The following PLD5 variants were observed in gnomAD, a reference collection of about 807,000 sequenced individuals.
The protein encoded by PLD5 is phospholipase D family member 5.
In PLD5, 36 loss-of-function variants were observed where a neutral mutation model predicts 61.1. That is an observed-to-expected ratio of 0.59 (90% confidence interval 0.45 to 0.78). PLD5 has a LOEUF of 0.78. Among genes scored for constraint, PLD5 ranks in the 30% least tolerant of loss-of-function variants. PLD5 has a pLI of 0.00. For missense variants in PLD5, 515 were observed against 644.4 expected, an observed-to-expected ratio of 0.80 and a Z score of 2.17; for synonymous variants, 243 against 242.8, an observed-to-expected ratio of 1.00 and a Z score of -0.01.
intron 5 of PLD5, among the ~76,000 whole-genome samples, chr1:242,158,199 A>G (rs1345650829): frequency 1.3e-5 from 2 of 152,268 alleles, no homozygotes; most frequent in East Asian, 3.9e-4. Flanking sequence ...GCCTCCTGGT[A>G]TGCTGGCAGT....
At chr1:242,107,546 G>A in intron 8 of PLD5, 125 bp downstream of exon 8, 1 of 911,282 alleles carries the variant, frequency 1.1e-6, no homozygotes, top group Non-Finnish European at 1.6e-6. Flanking sequence ...TACTTAACGT[G>A]CTTTTTGAAG....
At position 242,524,236 on chromosome 1, in the gene PLD5, T is replaced by TG. The variant is rs1318738647; in HGVS notation, c.40dup (p.His14ProfsTer2). On this transcript the variant is annotated frameshift_variant, in exon 1 of 10. Transcript: ENST00000536534. LOFTEE classifies it high-confidence loss of function. ...GAGCCTCATCTGCTCGAAGCCCTCA[T>TG]GGGGGGAGGCCGAGAGCCACTCGTG... 1.3e-6 allele frequency: 2 copies of TG among 1,516,226 alleles called. No individual in the cohort carries two copies. Among genetic ancestry groups the TG allele is most frequent in the African/African-American group, 1.4e-5 (1 of 70,794 alleles). 93.9% of individuals were successfully genotyped at this position (1,516,226 alleles called of 1,614,324 possible).
At chr1:242,465,177 T>C (rs2102942119) in intron 1 of PLD5, among the ~76,000 whole-genome samples, 1 of 152,332 alleles carries the variant, frequency 6.6e-6, no homozygotes, top group South Asian at 2.1e-4. Context: ...AAAGAGAATC[T>C]TCCTTGACTC....
chr1:242,160,724 A>C lies in PLD5; in HGVS notation c.736-36059T>G, dbSNP rs1045186015. Among the ~76,000 whole-genome samples the C allele has an allele frequency of 1.4e-4, 22 of 152,036 alleles. 1 individual carries two copies. The highest frequency in any genetic ancestry group is 5.3e-4 in the African/African-American group (22 of 41,422). On this transcript the variant is annotated intron_variant, in intron 5 of 9. Transcript: ENST00000536534. ...ACATGGTGAAACACCACCTCTACTA[A>C]AAATACAAAAACTAGCCGGGTGTGG...
intron 1 of PLD5, among the ~76,000 whole-genome samples, chr1:242,461,281 C>A (rs1044130065): frequency 6.6e-6 from 1 of 152,154 alleles, no homozygotes; most frequent in African/African-American, 2.4e-5. Context: ...TCTGCCATAT[C>A]CCCCTTGATC....
chr1:242,271,617 C>G (rs970240601), intron 3 of PLD5, among the ~76,000 whole-genome samples: 10 of 152,030 alleles, frequency 6.6e-5, no homozygotes, highest in African/African-American at 2.4e-4. Flanking sequence ...TTTACACACT[C>G]AAGAATGTTA....
intron 1 of PLD5, among the ~76,000 whole-genome samples, chr1:242,487,180 G>T (rs981198837): frequency 2.0e-5 from 3 of 151,558 alleles, no homozygotes; most frequent in African/African-American, 7.3e-5. Context: ...CCTGCACGTT[G>T]TGCACATGTA....
At chr1:242,471,432 A>G (rs1469025594) in intron 1 of PLD5, among the ~76,000 whole-genome samples, 1 of 152,106 alleles carries the variant, frequency 6.6e-6, no homozygotes, top group Non-Finnish European at 1.5e-5. Context: ...GGAAGCCCAT[A>G]ACTGACTCAC....
intron 5 of PLD5, among the ~76,000 whole-genome samples, chr1:242,179,226 C>T (rs892369728): frequency 6.6e-6 from 1 of 152,118 alleles, no homozygotes; most frequent in Non-Finnish European, 1.5e-5. Context: ...AGCATCAGGA[C>T]AGACCCTTAG....
At chr1:242,188,865 GA>G (rs1668067457) in intron 5 of PLD5, 1 of 152,158 alleles carries the variant, frequency 6.6e-6, no homozygotes, top group African/African-American at 2.4e-5. Flanking sequence ...TTTCAATTAT[GA>G]AAAGTTGCAA....
At chr1:242,265,188 T>G in intron 4 of PLD5, 149 bp downstream of exon 4, 1 of 1,106,720 alleles carries the variant, frequency 9.0e-7, no homozygotes, top group Non-Finnish European at 1.2e-6. Context: ...CTCAAAAACT[T>G]TAATCGAGTT....
chr1:242,444,917 T>C (rs1198903427), intron 1 of PLD5, among the ~76,000 whole-genome samples: 3 of 151,882 alleles, frequency 2.0e-5, no homozygotes. Context: ...GTCCAATAGA[T>C]AACATAAGTC....
chr1:242,309,706 A>T (rs1446095175), intron 2 of PLD5, among the ~76,000 whole-genome samples: 1 of 149,942 alleles, frequency 6.7e-6, no homozygotes, highest in Admixed American at 6.7e-5. Context: ...TTGTTACAGG[A>T]AATACTTCTC....
At chr1:242,259,369 T>TA (rs1673260831) in intron 4 of PLD5, among the ~76,000 whole-genome samples, 1 of 152,092 alleles carries the variant, frequency 6.6e-6, no homozygotes, top group Non-Finnish European at 1.5e-5. Context: ...AAAGAGCTTG[T>TA]AAATTGACAA....
intron 1 of PLD5, among the ~76,000 whole-genome samples, chr1:242,435,279 C>A (rs1270762809): frequency 6.6e-6 from 1 of 151,952 alleles, no homozygotes; most frequent in Non-Finnish European, 1.5e-5. Flanking sequence ...AAATCTGAGT[C>A]CCTAGTGCAT....
intron 2 of PLD5, among the ~76,000 whole-genome samples, chr1:242,330,160 G>GA (rs943667160): frequency 1.3e-4 from 19 of 150,468 alleles, no homozygotes; most frequent in African/African-American, 2.9e-4. Context: ...ACTCTTCAGA[G>GA]AAAAAAAAAT....
At chr1:242,257,592 A>G (rs1474721317) in intron 4 of PLD5, among the ~76,000 whole-genome samples, 1 of 152,194 alleles carries the variant, frequency 6.6e-6, no homozygotes, top group East Asian at 1.9e-4. Context: ...GTACAAGATT[A>G]TATTCTTGAA....
chr1:242,259,342 A>AT, intron 4 of PLD5, among the ~76,000 whole-genome samples: 1 of 152,128 alleles, frequency 6.6e-6, no homozygotes, highest in East Asian at 1.9e-4. Context: ...AAATAAATTA[A>AT]TTTTAAAAAG....
At chr1:242,510,634 A>G (rs1293113489) in intron 1 of PLD5, among the ~76,000 whole-genome samples, 2 of 152,082 alleles carry the variant, frequency 1.3e-5, no homozygotes, top group Non-Finnish European at 2.9e-5. Context: ...TCATGAGGTC[A>G]GGAGATCGAG....
Sources: gnomAD v4.1 joint callset for allele counts (sites outside exome capture counted in the v4.1 genomes callset) on GRCh38, gnomAD v4.1.1 for gene constraint, MANE v1.5 for transcripts, NCBI Gene and HGNC (gene_info 2026-07-23, HGNC 2026-07-21) for gene names.